Variants in CACNA2D3 observed in about 807,000 individuals in gnomAD.
CACNA2D3 encodes voltage-dependent calcium channel subunit alpha-2/delta-3.
In CACNA2D3, 60 loss-of-function variants were observed where a neutral mutation model predicts 160.6. That is an observed-to-expected ratio of 0.37 (90% CI 0.30 to 0.46). The LOEUF (loss-of-function observed/expected upper bound fraction) is 0.46. Ranked by LOEUF, CACNA2D3 falls within the 20% of genes least tolerant of loss-of-function variation. The pLI, the probability that CACNA2D3 is intolerant of heterozygous loss-of-function variation, is 1.00. For missense variants in CACNA2D3, 1,205 were observed against 1,365.0 expected (o/e 0.88, Z 1.85); for synonymous variants, 558 against 492.9 (o/e 1.13, Z -1.75).
In CACNA2D3 at chr3:55,032,758, G is replaced by A. The variant is rs529128544; in HGVS notation, c.2987+14441G>A. 1.5e-4 allele frequency among the ~76,000 whole-genome samples: 23 copies of A among 152,202 alleles called. No individual in the cohort carries two copies. The East Asian group carries it at 4.3e-3, about 28-fold the overall frequency. ...GGTATTATAGAAAAACCGGTGCCTG[G>A]CATTTAGTTGGTGCTCAATAGCTGG... On this transcript the variant is annotated intron_variant, in intron 35 of 37. Transcript: ENST00000474759.
chr3:54,848,294 TAA>T (rs1317351348), intron 17 of CACNA2D3, among the ~76,000 whole-genome samples: 1 of 152,252 alleles, frequency 6.6e-6, no homozygotes, highest in Non-Finnish European at 1.5e-5. Context: ...GTTCATCTCC[TAA>T]GAGTACAGAT....
intron 13 of CACNA2D3, among the ~76,000 whole-genome samples, chr3:54,811,170 C>A (rs1001741129): frequency 5.9e-5 from 9 of 152,192 alleles, no homozygotes; most frequent in African/African-American, 2.2e-4. Context: ...CCTCTGCCTG[C>A]AATCCTAAGA....
intron 17 of CACNA2D3, among the ~76,000 whole-genome samples, chr3:54,863,083 C>T (rs1239217184): frequency 6.6e-6 from 1 of 152,162 alleles, no homozygotes; most frequent in East Asian, 1.9e-4. Context: ...CTTTTTTACC[C>T]TGGATGTTCT....
At position 54,370,501 on chromosome 3, in the gene CACNA2D3, C is replaced by T. The variant is rs1698906437; in HGVS notation, c.322-16214C>T. Among the ~76,000 whole-genome samples, 4 of 152,166 alleles carry T rather than the reference C, an allele frequency of 2.6e-5. No homozygotes were observed. In the South Asian group the frequency reaches 8.3e-4, roughly 32 times the overall value. On this transcript the variant is annotated intron_variant, in intron 3 of 37. Transcript: ENST00000474759. ...ATGCTTAAAGGAGATTTCAGTCTCT[C>T]CACAGATTTGCCTAATCCCCTGGTG...
At chr3:54,612,045 C>A (rs1379567074) in intron 9 of CACNA2D3, among the ~76,000 whole-genome samples, 1 of 152,110 alleles carries the variant, frequency 6.6e-6, no homozygotes, top group Non-Finnish European at 1.5e-5. Flanking sequence ...GGGATTCACA[C>A]CAGTTCTGTT....
At chr3:55,040,634 A>G (rs1050192817) in intron 35 of CACNA2D3, among the ~76,000 whole-genome samples, 4 of 152,156 alleles carry the variant, frequency 2.6e-5, no homozygotes, top group South Asian at 2.1e-4. Flanking sequence ...GCAATGATCT[A>G]TGATCATGCC....
At chr3:54,712,537 C>A (rs1474870580) in intron 11 of CACNA2D3, among the ~76,000 whole-genome samples, 1 of 152,180 alleles carries the variant, frequency 6.6e-6, no homozygotes, top group Non-Finnish European at 1.5e-5. Context: ...AAGCTCCATT[C>A]TCTTGTCTGC....
intron 4 of CACNA2D3, among the ~76,000 whole-genome samples, chr3:54,481,845 G>A (rs2106901153): frequency 1.3e-5 from 2 of 152,330 alleles, no homozygotes; most frequent in South Asian, 4.1e-4. Context: ...GGGTGCAAAT[G>A]TGCTCACACC....
At chr3:54,639,759 G>A (rs956277626) in intron 10 of CACNA2D3, 69 of 160,238 alleles carry the variant, frequency 4.3e-4, no homozygotes, top group Admixed American at 2.1e-3. Context: ...AATTTCATGC[G>A]CGTCCGTGTG....
intron 3 of CACNA2D3, among the ~76,000 whole-genome samples, chr3:54,363,151 C>T (rs1179055200): frequency 2.6e-5 from 4 of 151,972 alleles, no homozygotes; most frequent in Admixed American, 6.6e-5. Flanking sequence ...GCCGAGATTG[C>T]GCCACTGCAC....
intron 11 of CACNA2D3, among the ~76,000 whole-genome samples, chr3:54,724,136 G>T (rs1443737099): frequency 2.0e-5 from 3 of 152,140 alleles, no homozygotes; most frequent in African/African-American, 7.2e-5. Context: ...TGATAAAACA[G>T]ACTTTAAACC....
intron 13 of CACNA2D3, among the ~76,000 whole-genome samples, chr3:54,808,476 TG>T (rs1389815117): frequency 1.3e-5 from 2 of 151,948 alleles, no homozygotes; most frequent in Non-Finnish European, 1.5e-5. Flanking sequence ...AGGGGAAAAG[TG>T]GGAGAGGGGT....
At chr3:54,992,849 C>T (rs1702772441) in intron 31 of CACNA2D3, among the ~76,000 whole-genome samples, 1 of 151,904 alleles carries the variant, frequency 6.6e-6, no homozygotes, top group Admixed American at 6.6e-5. Flanking sequence ...GTTTAATTGA[C>T]TCACAGTTCC....
In CACNA2D3 at chr3:55,033,800, A is replaced by ATT. The variant is rs1310823428; in HGVS notation, c.2987+15484_2987+15485insTT. Among the ~76,000 whole-genome samples the ATT allele has an allele frequency of 7.7e-3, 980 of 127,104 alleles. 72 individuals are homozygous for ATT. Among genetic ancestry groups the ATT allele is most frequent in the African/African-American group, 0.03 (937 of 31,298 alleles). The allele number at this position is 127,104 out of a possible 152,430, so 83.4% of individuals were successfully genotyped here. ...GTATTATATATTAAATATATTTTAT[A>ATT]TAATATGTATTATATATTAAATATA... On this transcript the variant is annotated intron_variant, in intron 35 of 37. Transcript: ENST00000474759.
At chr3:54,691,359 T>C (rs1393675152) in intron 11 of CACNA2D3, among the ~76,000 whole-genome samples, 1 of 152,218 alleles carries the variant, frequency 6.6e-6, no homozygotes, top group Non-Finnish European at 1.5e-5. Flanking sequence ...ACCAGGGGAC[T>C]TCCCAATGGC....
chr3:54,724,359 C>T (rs982943770), intron 11 of CACNA2D3, among the ~76,000 whole-genome samples: 19 of 152,064 alleles, frequency 1.2e-4, no homozygotes, highest in African/African-American at 2.9e-4. Context: ...GACAGATCAA[C>T]GAGACTGAAA....
intron 3 of CACNA2D3, among the ~76,000 whole-genome samples, chr3:54,339,064 C>A (rs754861184): frequency 2.0e-5 from 3 of 152,164 alleles, no homozygotes; most frequent in Non-Finnish European, 2.9e-5. Context: ...GAGAACTTGT[C>A]ATCCTCTATG....
intron 2 of CACNA2D3, among the ~76,000 whole-genome samples, chr3:54,285,127 G>A (rs1484562121): frequency 1.3e-5 from 2 of 152,180 alleles, no homozygotes; most frequent in African/African-American, 2.4e-5. Context: ...GAAGCAGGAC[G>A]AGGCATTGTC....
At chr3:55,024,443 A>T (rs747545359) in intron 35 of CACNA2D3, among the ~76,000 whole-genome samples, 1 of 152,130 alleles carries the variant, frequency 6.6e-6, no homozygotes, top group Admixed American at 6.5e-5. Context: ...GATAGTATTA[A>T]GAAGAGAGGC....
Sources: allele counts gnomAD v4.1 joint callset (sites outside exome capture counted in the v4.1 genomes callset), GRCh38; gene constraint gnomAD v4.1.1; transcripts MANE v1.5; gene names NCBI Gene and HGNC (gene_info 2026-07-23, HGNC 2026-07-21).